Variants in TMC2 observed in about 807,000 individuals in gnomAD.
The protein encoded by TMC2 is transmembrane channel like 2.
A neutral mutation model predicts 105.9 loss-of-function variants in TMC2; 102 were observed. The ratio of observed to expected loss-of-function variants is 0.96; its 90% CI spans 0.82 to 1.14. The LOEUF (loss-of-function observed/expected upper bound fraction) is 1.14. Among genes scored for constraint, TMC2 ranks in the 50% most tolerant of loss-of-function variants. TMC2 has a pLI of 0.00. For synonymous variants in TMC2, 402 were observed against 422.8 expected (o/e 0.95, Z 0.60); for missense variants, 1,093 against 1,134.3 (o/e 0.96, Z 0.52).
intron 16 of TMC2, 143 bp from the exon 17 acceptor site, chr20:2,624,128 G>C: frequency 2.1e-6 from 2 of 934,590 alleles, no homozygotes; most frequent in Non-Finnish European, 3.1e-6. Context: ...TTTACTTGCA[G>C]TTCATTTGGA....
intron 17 of TMC2, among the ~76,000 whole-genome samples, chr20:2,632,869 G>A (rs148861089): frequency 0.071 from 10,788 of 152,296 alleles, 534 homozygotes; most frequent in Middle Eastern, 0.17. Flanking sequence ...GATTACAGGC[G>A]TGAGCCACTG....
chr20:2,576,272 G>A (rs1346138460), intron 5 of TMC2, among the ~76,000 whole-genome samples: 1 of 152,168 alleles, frequency 6.6e-6, no homozygotes, highest in African/African-American at 2.4e-5. Flanking sequence ...ACAGGCCTGA[G>A]AAAGGGGCTT....
rs2086107037 is a variant in TMC2 at position 2,572,031 on chromosome 20, CA to C, written c.555-147del. ...GGGAAACTTCAGTGGATAAAACAGA[CA>C]GAATGTCGTGCCTTCATGGAATTTA... is the stretch of plus-strand genomic sequence containing the variant. On this transcript the variant is annotated intron_variant, in intron 4 of 19. Transcript: ENST00000358864. 10 of 651,298 alleles carry C rather than the reference CA, an allele frequency of 1.5e-5. No homozygotes were observed. In the South Asian group the frequency reaches 1.8e-4, roughly 11 times the overall value. 40.3% of individuals were successfully genotyped at this position (651,298 alleles called of 1,614,324 possible). A position where few individuals can be genotyped will look rare whatever the true frequency, so the allele number is the denominator to read the frequency against.
At chr20:2,629,755 A>C (rs915516653) in intron 17 of TMC2, among the ~76,000 whole-genome samples, 2 of 152,354 alleles carry the variant, frequency 1.3e-5, no homozygotes, top group Non-Finnish European at 2.9e-5. Flanking sequence ...TATAATGGCT[A>C]TCTAAGCCAG....
At chr20:2,629,144 T>C (rs1415664284) in intron 17 of TMC2, among the ~76,000 whole-genome samples, 1 of 152,160 alleles carries the variant, frequency 6.6e-6, no homozygotes, top group Non-Finnish European at 1.5e-5. Context: ...TATGAGTGTA[T>C]TGTTTATCAT....
chr20:2,579,419 TA>T (rs1339240255), intron 6 of TMC2, among the ~76,000 whole-genome samples, 192 bp downstream of exon 6: 15 of 149,840 alleles, frequency 1.0e-4, no homozygotes, highest in African/African-American at 3.7e-4. Context: ...TTTATTTATT[TA>T]TTTATTTTTA....
At chr20:2,625,494 T>C (rs148185062) in intron 17 of TMC2, among the ~76,000 whole-genome samples, 37 of 152,356 alleles carry the variant, frequency 2.4e-4, no homozygotes, top group African/African-American at 7.7e-4. Context: ...TTTCCGGAGT[T>C]TTAAACCTTT....
rs2086637846 is a variant in TMC2, at chr20:2,635,800, T to C, written c.2307-126T>C. 5.5e-6 allele frequency: 4 copies of C among 733,550 alleles called. No individual in the cohort carries two copies. The South Asian group carries it at 6.4e-5, about 12-fold the overall frequency. 45.4% of individuals were successfully genotyped at this position (733,550 alleles called of 1,614,324 possible). ...TCTCCACATTGAGAAAAGAAGATGG[T>C]AGGACACCCACCCAAAGCCTCAGTA... is the stretch of plus-strand genomic sequence containing the variant. On this transcript the variant is annotated intron_variant, in intron 17 of 19. Coordinates refer to ENST00000358864, the MANE Select transcript of TMC2 (RefSeq NM_080751.3).
intron 16 of TMC2, among the ~76,000 whole-genome samples, chr20:2,621,787 G>A (rs1289710934): frequency 6.6e-6 from 1 of 152,128 alleles, no homozygotes; most frequent in Non-Finnish European, 1.5e-5. Context: ...GTTTATAACT[G>A]TTATCCTATG....
chr20:2,640,844 C>T (rs1223168251), intron 19 of TMC2, among the ~76,000 whole-genome samples: 2 of 152,208 alleles, frequency 1.3e-5, no homozygotes, highest in Middle Eastern at 3.4e-3. Flanking sequence ...GCGAGGCTGC[C>T]GTTATTCTTG....
chr20:2,629,605 T>A (rs1436580238), intron 17 of TMC2, among the ~76,000 whole-genome samples: 1 of 150,686 alleles, frequency 6.6e-6, no homozygotes, highest in East Asian at 1.9e-4. Flanking sequence ...TAGTACCTTG[T>A]GCAAATTTTT....
chr20:2,579,707 A>G (rs555693633), intron 6 of TMC2, among the ~76,000 whole-genome samples: 22 of 152,196 alleles, frequency 1.4e-4, no homozygotes, highest in African/African-American at 5.3e-4. Flanking sequence ...TACAGACGTG[A>G]GCCACCGCAC....
At position 2,558,477 on chromosome 20, in the gene TMC2, C is replaced by G; in HGVS notation, c.104C>G (p.Ser35Cys). ...PHTGDRLGRR[S>C]SSKRALKAEG... ...GCAGGTGACAGGCTGGGAAGGAGAT[C>G]CTCAAGCAAGCGGGCTCTCAAAGCC... is the stretch of plus-strand genomic sequence containing the variant. Residue 35 changes from serine (S) to cysteine (C), a missense_variant, in exon 3 of 20, where the codon TCC (serine) becomes TGC (cysteine). Transcript: ENST00000358864. The surrounding 1 kb of genome is among the most constrained non-coding windows in gnomAD (Gnocchi z 4.6). The G allele has an allele frequency of 6.4e-7, 1 of 1,558,442 alleles. No homozygotes were observed. The highest frequency in any genetic ancestry group is 8.7e-7 in the Non-Finnish European group (1 of 1,151,286).
chr20:2,598,008 G>A (rs576624075), intron 10 of TMC2, among the ~76,000 whole-genome samples: 1 of 152,234 alleles, frequency 6.6e-6, no homozygotes, highest in Non-Finnish European at 1.5e-5. Context: ...CCTGGAGTAG[G>A]GTCCTGACAT....
At chr20:2,540,585 T>C (rs1444535485) in intron 2 of TMC2, among the ~76,000 whole-genome samples, 1 of 142,248 alleles carries the variant, frequency 7.0e-6, no homozygotes, top group Non-Finnish European at 1.5e-5. Context: ...CGCTTGAACC[T>C]GGGAGGCGGA....
chr20:2,558,848 T>C lies in TMC2; in HGVS notation c.401+74T>C, dbSNP rs2086004280. 8 of 1,408,760 alleles carry C rather than the reference T, an allele frequency of 5.7e-6. No individual in the cohort carries two copies. The highest frequency in any genetic ancestry group is 6.6e-6 in the Non-Finnish European group (7 of 1,058,448). 87.3% of individuals were successfully genotyped at this position (1,408,760 alleles called of 1,614,324 possible). ...CTTCGCGGCCCTTCCCCTTCCCCCG[T>C]GAGGGACTGATGCCCCCCTCCCCGG... On this transcript the variant is annotated intron_variant, in intron 3 of 19. Coordinates refer to ENST00000358864, the MANE Select transcript of TMC2 (RefSeq NM_080751.3). The surrounding 1 kb of genome is among the most constrained non-coding windows in gnomAD (Gnocchi z 4.6).
intron 11 of TMC2, among the ~76,000 whole-genome samples, chr20:2,609,770 G>A (rs974817515): frequency 6.6e-6 from 1 of 152,174 alleles, no homozygotes; most frequent in Non-Finnish European, 1.5e-5. Context: ...GAGTGGGATA[G>A]TCAAGACCAG....
intron 10 of TMC2, among the ~76,000 whole-genome samples, chr20:2,599,112 A>G (rs6050518): frequency 0.027 from 4,103 of 151,850 alleles, 191 homozygotes; most frequent in African/African-American, 0.092. Flanking sequence ...GGCCAGGCTG[A>G]TCTTGAACTC....
chr20:2,570,143 C>T (rs1442225989), intron 4 of TMC2, among the ~76,000 whole-genome samples: 2 of 151,798 alleles, frequency 1.3e-5, no homozygotes, highest in African/African-American at 4.8e-5. Flanking sequence ...AGCAATCAGG[C>T]AAGAGGAGAA....
Sources: gnomAD v4.1 joint callset for allele counts (sites outside exome capture counted in the v4.1 genomes callset) on GRCh38, gnomAD v4.1.1 for gene constraint, Gnocchi (gnomAD v3.1) non-coding constraint, MANE v1.5 for transcripts, NCBI Gene and HGNC (gene_info 2026-07-23, HGNC 2026-07-21) for gene names.